EYS: variants seen among roughly 807,000 people sequenced by gnomAD.
EYS encodes the protein protein eyes shut homolog.
A neutral mutation model predicts 282.1 loss-of-function variants in EYS; 250 were observed. That is an observed-to-expected ratio of 0.89 (90% CI 0.80 to 0.98). EYS has a LOEUF of 0.98. Ranked by LOEUF, EYS falls within the 50% of genes least tolerant of loss-of-function variation. The pLI is 0.00. For missense variants in EYS, 4,016 were observed against 3,709.0 expected (o/e 1.08, Z -2.15); for synonymous variants, 1,355 against 1,282.9 (o/e 1.06, Z -1.20).
intron 2 of EYS, among the ~76,000 whole-genome samples, chr6:65,542,466 C>G (rs1192674984): frequency 7.5e-6 from 1 of 133,138 alleles, no homozygotes; most frequent in Non-Finnish European, 1.6e-5. Context: ...CTATGGATAA[C>G]AATAGAATGT....
At chr6:63,781,993 A>C (rs1174599277) in intron 39 of EYS, among the ~76,000 whole-genome samples, 1 of 152,210 alleles carries the variant, frequency 6.6e-6, no homozygotes, top group Non-Finnish European at 1.5e-5. Context: ...CCTTTTCTGC[A>C]TCTATTGAGA....
At chr6:65,481,727 T>C in intron 5 of EYS, among the ~76,000 whole-genome samples, 1 of 152,048 alleles carries the variant, frequency 6.6e-6, no homozygotes, top group Non-Finnish European at 1.5e-5. Context: ...TTTTTGTATT[T>C]TTATTTTTTA....
chr6:64,860,068 T>C (rs1766187211), intron 19 of EYS, among the ~76,000 whole-genome samples: 2 of 152,240 alleles, frequency 1.3e-5, no homozygotes, highest in African/African-American at 2.4e-5. Flanking sequence ...ATATTGTCCC[T>C]TTTTTCTGTG....
At chr6:64,777,008 G>A (rs915820856) in intron 22 of EYS, among the ~76,000 whole-genome samples, 3 of 152,148 alleles carry the variant, frequency 2.0e-5, no homozygotes, top group African/African-American at 4.8e-5. Context: ...ATGACAGAAG[G>A]CACCTCTTCA....
chr6:64,894,386 A>C (rs1337450513), intron 18 of EYS, among the ~76,000 whole-genome samples: 1 of 152,170 alleles, frequency 6.6e-6, no homozygotes, highest in Non-Finnish European at 1.5e-5. Flanking sequence ...CAGAGTGGAC[A>C]TCAGTGGACT....
chr6:64,104,535 G>A (rs148274251), intron 31 of EYS, among the ~76,000 whole-genome samples: 193 of 152,232 alleles, frequency 1.3e-3, no homozygotes, highest in African/African-American at 4.2e-3. Context: ...GGTTGTAGGT[G>A]CCTTGAATAT....
At chr6:64,731,102 TCCTTATA>T (rs1771948049) in intron 22 of EYS, 1 of 152,150 alleles carries the variant, frequency 6.6e-6, no homozygotes, top group African/African-American at 2.4e-5. Flanking sequence ...CTGGACCCCT[TCCTTATA>T]CCTTATACAA....
At chr6:64,369,459 G>C (rs865842494) in intron 29 of EYS, among the ~76,000 whole-genome samples, 1 of 152,096 alleles carries the variant, frequency 6.6e-6, no homozygotes, top group Non-Finnish European at 1.5e-5. Context: ...GTCACTGGTA[G>C]TTGAATGGGA....
chr6:64,770,832 A>T (rs1461210270), intron 22 of EYS, among the ~76,000 whole-genome samples: 1 of 151,952 alleles, frequency 6.6e-6, no homozygotes, highest in Non-Finnish European at 1.5e-5. Context: ...CTGTGACATT[A>T]GAGCCCGTCT....
At chr6:65,020,183 C>T (rs1772206114) in intron 13 of EYS, among the ~76,000 whole-genome samples, 1 of 152,066 alleles carries the variant, frequency 6.6e-6, no homozygotes, top group African/African-American at 2.4e-5. Flanking sequence ...ACGATAGTAC[C>T]CCAACATCTT....
In EYS at chr6:65,196,571, T is replaced by C. The variant is rs540562788; in HGVS notation, c.2023+99292A>G. On this transcript the variant is annotated intron_variant, in intron 12 of 42. Coordinates refer to ENST00000503581, the MANE Select transcript of EYS (RefSeq NM_001142800.2). ...CCAAGCATTATTAAGCCCTTGGGAC[T>C]ACAGCAGTGAAGAAAACATACAAAT... Among the ~76,000 whole-genome samples, 112 of 152,180 alleles carry C rather than the reference T, an allele frequency of 7.4e-4. 1 individual carries two copies. The highest frequency in any genetic ancestry group is 2.6e-3 in the African/African-American group (109 of 41,558).
chr6:64,469,571 G>A (rs1054594004), intron 26 of EYS, among the ~76,000 whole-genome samples: 1 of 152,102 alleles, frequency 6.6e-6, no homozygotes, highest in African/African-American at 2.4e-5. Context: ...GTCCAGACAG[G>A]GCCACCAGAG....
intron 22 of EYS, among the ~76,000 whole-genome samples, chr6:64,809,791 G>T (rs1764540357): frequency 6.6e-6 from 1 of 152,006 alleles, no homozygotes; most frequent in Non-Finnish European, 1.5e-5. Context: ...TGATCATAAA[G>T]GTGGGAACAA....
intron 28 of EYS, among the ~76,000 whole-genome samples, chr6:64,435,890 G>T (rs115553688): frequency 1.3e-3 from 193 of 151,926 alleles, no homozygotes; most frequent in South Asian, 3.3e-3. Flanking sequence ...GAAATTACCA[G>T]TTTAGTTGAT....
At chr6:64,942,147 C>A (rs9453114) in intron 15 of EYS, among the ~76,000 whole-genome samples, 1 of 151,724 alleles carries the variant, frequency 6.6e-6, no homozygotes, top group Non-Finnish European at 1.5e-5. Context: ...TTAATAATAA[C>A]AATGCTGATG....
intron 32 of EYS, among the ~76,000 whole-genome samples, chr6:64,072,959 C>A (rs1771644043): frequency 6.6e-6 from 1 of 151,806 alleles, no homozygotes; most frequent in Admixed American, 6.6e-5. Flanking sequence ...TATACACATT[C>A]AACAAGATGT....
At chr6:65,527,500 C>T (rs1343800277) in intron 2 of EYS, among the ~76,000 whole-genome samples, 1 of 152,156 alleles carries the variant, frequency 6.6e-6, no homozygotes, top group Non-Finnish European at 1.5e-5. Flanking sequence ...AGATGACATA[C>T]CTTTTAAAAG....
chr6:65,051,523 T>C (rs553678709), intron 13 of EYS, among the ~76,000 whole-genome samples: 1 of 151,758 alleles, frequency 6.6e-6, no homozygotes, highest in African/African-American at 2.4e-5. Flanking sequence ...AATGAACACA[T>C]GTATTACCTC....
At chr6:65,427,982 T>A (rs1348151418) in intron 5 of EYS, among the ~76,000 whole-genome samples, 1 of 152,048 alleles carries the variant, frequency 6.6e-6, no homozygotes, top group East Asian at 1.9e-4. Context: ...TTTCATTTTA[T>A]TAGTAATAAA....
Sources: gnomAD v4.1 joint callset for allele counts (sites outside exome capture counted in the v4.1 genomes callset) on GRCh38, gnomAD v4.1.1 for gene constraint, MANE v1.5 for transcripts, NCBI Gene and HGNC (gene_info 2026-07-23, HGNC 2026-07-21) for gene names.